Variants in NHSL2 observed in about 807,000 individuals in gnomAD.
NHSL2 encodes NHS like 2.
A neutral mutation model predicts 53.4 loss-of-function variants in NHSL2; 27 were observed. That is an observed-to-expected ratio of 0.51 (90% CI 0.37 to 0.70). The LOEUF is 0.70. NHSL2 is among the 30% of genes least tolerant of loss of function. The probability of loss-of-function intolerance (pLI) is 0.00; values close to 1 mark genes in which losing one functional copy is unlikely to be tolerated. For missense variants in NHSL2, 892 were observed against 980.1 expected (o/e 0.91, Z 1.20); for synonymous variants, 408 against 404.1 (o/e 1.01, Z -0.12).
At chrX:71,920,206 G>T (rs1228051655) in intron 1 of NHSL2, among the ~76,000 whole-genome samples, 1 of 112,007 alleles carries the variant, frequency 8.9e-6, no homozygotes, top group Non-Finnish European at 1.9e-5. Flanking sequence ...AGGCAATCCA[G>T]CCATCTCCCT....
chrX:72,040,063 G>A (rs922271386), intron 1 of NHSL2, among the ~76,000 whole-genome samples: 4 of 112,466 alleles, frequency 3.6e-5, no homozygotes, highest in African/African-American at 1.3e-4. Context: ...CCTATGGGAT[G>A]GGGATTGGTG....
At chrX:71,962,348 T>G (rs1354556719) in intron 1 of NHSL2, among the ~76,000 whole-genome samples, 1 of 111,948 alleles carries the variant, frequency 8.9e-6, no homozygotes, top group Non-Finnish European at 1.9e-5. Context: ...AAGTGTTCCC[T>G]CCTCTTCAAT....
chrX:71,980,119 A>G (rs1204135649), intron 1 of NHSL2, among the ~76,000 whole-genome samples: 1 of 111,628 alleles, frequency 9.0e-6, no homozygotes, highest in Non-Finnish European at 1.9e-5. Context: ...CCATTGGTCT[A>G]TATCTCTGTT....
rs769084130 is a variant in NHSL2, at chrX:72,069,706, A to T, written c.281-62373A>T. ...AGCAGAATGATGGGCAACTCTCACCACAAGCAACCGAGGAGTAAAAGCCAA... is the reference window on the plus strand; with the variant it reads ...AGCAGAATGATGGGCAACTCTCACCTCAAGCAACCGAGGAGTAAAAGCCAA... On this transcript the variant is annotated intron_variant, in intron 1 of 7. Coordinates refer to ENST00000633930, the MANE Select transcript of NHSL2 (RefSeq NM_001013627.3). 4.5e-5 allele frequency: 42 copies of T among 936,246 alleles called. No homozygotes were observed. In the South Asian group the frequency reaches 2.3e-3, roughly 50 times the overall value. The allele number at this position is 936,246 out of a possible 1,213,427, so 77.2% of individuals were successfully genotyped here.
At chrX:72,007,146 G>T (rs1030944842) in intron 1 of NHSL2, among the ~76,000 whole-genome samples, 2 of 112,359 alleles carry the variant, frequency 1.8e-5, no homozygotes, top group Non-Finnish European at 3.8e-5. Context: ...GACAGGCAGA[G>T]GGAGCAGCGT....
At chrX:72,069,825 C>T (rs992844726) in intron 1 of NHSL2, 2 of 566,111 alleles carry the variant, frequency 3.5e-6, no homozygotes, top group Non-Finnish European at 4.8e-6. Flanking sequence ...CATGCGGGGC[C>T]CCTGACCCTT....
chrX:71,962,985 T>C (rs986223052), intron 1 of NHSL2, among the ~76,000 whole-genome samples: 6 of 110,559 alleles, frequency 5.4e-5, no homozygotes, highest in African/African-American at 9.9e-5. Context: ...TCTTTTTTTT[T>C]CCTTGGTCAG....
In NHSL2 at chrX:72,073,469, C is replaced by T. The variant is rs747825471; in HGVS notation, c.281-58610C>T. Among the ~76,000 whole-genome samples the T allele has an allele frequency of 1.8e-3, 202 of 112,051 alleles. 1 individual carries two copies. Among genetic ancestry groups the T allele is most frequent in the African/African-American group, 6.2e-3 (190 of 30,888 alleles). The stretch of plus-strand genomic sequence containing the variant: ...TGGTGGGGAGGGGGATGCATGCTAG[C>T]GCCACCATCACTATACAGCATACGC... On this transcript the variant is annotated intron_variant, in intron 1 of 7. Transcript: ENST00000633930.
Position 72,144,720 on chromosome X carries a change from A to ACG in NHSL2, c.*1147_*1148insGC, listed in dbSNP as rs1169564294. The ACG allele has an allele frequency of 4.7e-6, 1 of 211,773 alleles. No individual in the cohort carries two copies. The highest frequency in any genetic ancestry group is 3.1e-5 in the African/African-American group (1 of 32,553). 17.5% of individuals were successfully genotyped at this position (211,773 alleles called of 1,213,427 possible). A position where few individuals can be genotyped will look rare whatever the true frequency, so the allele number is the denominator to read the frequency against. On this transcript the variant is annotated 3_prime_UTR_variant, in exon 8 of 8. Coordinates refer to ENST00000633930, the MANE Select transcript of NHSL2 (RefSeq NM_001013627.3). ...GCCCATAATGCACACACACACACAC[A>ACG]CACACACACACACACACACACACAC...
rs978030263 is a variant in NHSL2, at chrX:72,129,470, A to G, written c.281-2609A>G. 4 of 190,658 alleles carry G rather than the reference A, an allele frequency of 2.1e-5. No homozygotes were observed. In the South Asian group the frequency reaches 6.5e-4, roughly 31 times the overall value. The allele number at this position is 190,658 out of a possible 1,213,427, so 15.7% of individuals were successfully genotyped here. Reference sequence around the variant, plus strand: ...GAATAAAACTGTAGAACATAGGGTGAAGAAACGCAGGAGAGGTGAGGGTTA... The same window carrying G: ...GAATAAAACTGTAGAACATAGGGTGGAGAAACGCAGGAGAGGTGAGGGTTA... On this transcript the variant is annotated intron_variant, in intron 1 of 7. Coordinates refer to ENST00000633930, the MANE Select transcript of NHSL2 (RefSeq NM_001013627.3).
At chrX:72,065,257 C>G (rs950171351) in intron 1 of NHSL2, among the ~76,000 whole-genome samples, 3 of 111,714 alleles carry the variant, frequency 2.7e-5, no homozygotes, top group African/African-American at 9.8e-5. Flanking sequence ...TGGGCAGACA[C>G]TAACTGAGTC....
chrX:72,052,273 C>A (rs1269617827), intron 1 of NHSL2, among the ~76,000 whole-genome samples: 1 of 112,267 alleles, frequency 8.9e-6, no homozygotes, highest in Admixed American at 9.4e-5. Context: ...CCTCCTCAGT[C>A]CTCCGAGGCA....
intron 1 of NHSL2, among the ~76,000 whole-genome samples, chrX:72,101,455 G>T (rs1467953653): frequency 1.8e-5 from 2 of 110,273 alleles, no homozygotes; most frequent in Non-Finnish European, 3.8e-5. Context: ...TCGGCCCCTG[G>T]ATTGACAGGA....
intron 1 of NHSL2, among the ~76,000 whole-genome samples, chrX:72,030,496 A>ATGTGTG (rs58930948): frequency 6.4e-5 from 7 of 109,843 alleles, no homozygotes; most frequent in African/African-American, 2.0e-4. Context: ...GTATATGTAT[A>ATGTGTG]TGTGTGTGTG....
intron 1 of NHSL2, among the ~76,000 whole-genome samples, chrX:71,943,575 A>G (rs1330308881): frequency 8.9e-6 from 1 of 112,803 alleles, no homozygotes; most frequent in Admixed American, 9.4e-5. Flanking sequence ...CTTGACTAAA[A>G]TAGTTTCTTC....
chrX:71,953,369 T>C (rs1164675933), intron 1 of NHSL2, among the ~76,000 whole-genome samples: 2 of 112,524 alleles, frequency 1.8e-5, no homozygotes, highest in Admixed American at 1.9e-4. Flanking sequence ...TAGCAATGTG[T>C]TTACTTTCGT....
In NHSL2 at chrX:72,144,699, A is replaced by G. The variant is rs2042448908; in HGVS notation, c.*1125A>G. 4.6e-6 allele frequency: 1 copy of G among 217,435 alleles called. No homozygotes were observed. The highest frequency in any genetic ancestry group is 4.9e-5 in the Admixed American group (1 of 20,211). 17.9% of individuals were successfully genotyped at this position (217,435 alleles called of 1,213,427 possible). A position where few individuals can be genotyped will look rare whatever the true frequency, so the allele number is the denominator to read the frequency against. On this transcript the variant is annotated 3_prime_UTR_variant, in exon 8 of 8. Transcript: ENST00000633930. ...GCAGTCTTGCCAGTTGCTATGGCCCATAATGCACACACACACACACACACA... is the reference window on the plus strand; with the variant it reads ...GCAGTCTTGCCAGTTGCTATGGCCCGTAATGCACACACACACACACACACA...
intron 1 of NHSL2, among the ~76,000 whole-genome samples, chrX:72,021,193 A>T (rs1418416073): frequency 8.9e-6 from 1 of 112,313 alleles, no homozygotes; most frequent in African/African-American, 3.2e-5. Context: ...CTCTCCAATC[A>T]CTTATTCATT....
rs759615057 is a variant in NHSL2, at chrX:72,140,187, G to C, written c.2639G>C (p.Arg880Thr). The stretch of plus-strand genomic sequence containing the variant: ...GCTGAGAAGCCTCCGGTGGCCCGGA[G>C]GCCTCCAAGCTTGGTCCACAAGCCA... ...PVAEKPPVAR[R>T]PPSLVHKPPS... Residue 880 changes from arginine (R) to threonine (T), a missense_variant, in exon 6 of 8, where the codon AGG becomes ACG. Transcript: ENST00000633930. 1.7e-6 allele frequency: 2 copies of C among 1,208,660 alleles called. No individual in the cohort carries two copies. The highest frequency in any genetic ancestry group is 3.5e-5 in the African/African-American group (2 of 56,903).
Sources: gnomAD v4.1 joint callset for allele counts (sites outside exome capture counted in the v4.1 genomes callset) on GRCh38, gnomAD v4.1.1 for gene constraint, MANE v1.5 for transcripts, NCBI Gene and HGNC (gene_info 2026-07-23, HGNC 2026-07-21) for gene names.